The following NKAIN2 variants were observed in gnomAD, a reference collection of about 807,000 sequenced individuals.
NKAIN2 encodes the protein sodium/potassium-transporting ATPase subunit beta-1-interacting protein 2.
A neutral mutation model predicts 32.6 loss-of-function variants in NKAIN2; 14 were observed. The ratio of observed to expected loss-of-function variants is 0.43; its 90% confidence interval spans 0.28 to 0.67. NKAIN2 has a LOEUF of 0.67. Ranked by LOEUF, NKAIN2 falls within the 30% of genes least tolerant of loss-of-function variation. The probability of loss-of-function intolerance (pLI) is 0.17; values close to 1 mark genes in which losing one functional copy is unlikely to be tolerated. For missense variants in NKAIN2, 198 were observed against 258.3 expected (o/e 0.77, Z 1.60); for synonymous variants, 80 against 87.2 (o/e 0.92, Z 0.46).
At chr6:124,410,894 A>T (rs574356559) in intron 3 of NKAIN2, among the ~76,000 whole-genome samples, 41 of 152,170 alleles carry the variant, frequency 2.7e-4, no homozygotes, top group Non-Finnish European at 3.8e-4. Flanking sequence ...TATATTTAGG[A>T]TAGTTAGTTC....
At chr6:123,922,870 G>C (rs1212793868) in intron 1 of NKAIN2, among the ~76,000 whole-genome samples, 2 of 152,004 alleles carry the variant, frequency 1.3e-5, no homozygotes, top group Non-Finnish European at 2.9e-5. Context: ...TTTTAACATG[G>C]GGAAAGTTAC....
chr6:124,202,236 G>A (rs1790627667), intron 1 of NKAIN2, among the ~76,000 whole-genome samples: 1 of 151,966 alleles, frequency 6.6e-6, no homozygotes, highest in Non-Finnish European at 1.5e-5. Flanking sequence ...AGTTGCACCT[G>A]TAAATATATT....
intron 3 of NKAIN2, among the ~76,000 whole-genome samples, chr6:124,424,981 A>G (rs560309375): frequency 2.0e-4 from 31 of 152,272 alleles, no homozygotes; most frequent in African/African-American, 1.4e-4. Context: ...AGGAACCTCC[A>G]AACAGTTTTC....
chr6:124,292,976 T>C (rs1795886293), intron 2 of NKAIN2, among the ~76,000 whole-genome samples: 1 of 152,132 alleles, frequency 6.6e-6, no homozygotes, highest in African/African-American at 2.4e-5. Context: ...ATCTACCCCT[T>C]GTCTCAATCC....
At chr6:123,932,583 AT>A (rs1186715576) in intron 1 of NKAIN2, among the ~76,000 whole-genome samples, 1 of 151,178 alleles carries the variant, frequency 6.6e-6, no homozygotes, top group Non-Finnish European at 1.5e-5. Context: ...TGCCCGGCTA[AT>A]TTTTTCTATT....
chr6:123,818,333 A>G (rs972248255), intron 1 of NKAIN2, among the ~76,000 whole-genome samples: 10 of 147,604 alleles, frequency 6.8e-5, no homozygotes, highest in African/African-American at 2.5e-4. Flanking sequence ...GACTCTAACA[A>G]ATTTTCAGAC....
chr6:123,913,786 A>G (rs1775342976), intron 1 of NKAIN2, among the ~76,000 whole-genome samples: 1 of 152,028 alleles, frequency 6.6e-6, no homozygotes, highest in Non-Finnish European at 1.5e-5. Context: ...TGTTTTTTTT[A>G]CAAGTAGTTA....
At chr6:124,724,987 T>C (rs1776201225) in intron 4 of NKAIN2, among the ~76,000 whole-genome samples, 1 of 152,204 alleles carries the variant, frequency 6.6e-6, no homozygotes, top group African/African-American at 2.4e-5. Context: ...AAAATTACAA[T>C]GATTTCATGT....
In NKAIN2 at chr6:123,804,099, C is replaced by T. The variant is rs1291909900; in HGVS notation, c.-102C>T. 2.7e-5 allele frequency: 29 copies of T among 1,067,026 alleles called. No homozygotes were observed. The highest frequency in any genetic ancestry group is 5.0e-5 in the South Asian group (4 of 79,996). 66.1% of individuals were successfully genotyped at this position (1,067,026 alleles called of 1,614,324 possible). A position where few individuals can be genotyped will look rare whatever the true frequency, so the allele number is the denominator to read the frequency against. The stretch of plus-strand genomic sequence containing the variant: ...CAGCAGCCCGGAGCCCCCGAGCCCT[C>T]GGCAGGTTTGCGTGTCCTTCCCCGC... On this transcript the variant is annotated 5_prime_UTR_variant, in exon 1 of 7. Coordinates refer to ENST00000368417, the MANE Select transcript of NKAIN2 (RefSeq NM_001040214.3).
Position 123,884,821 on chromosome 6 carries a change from G to A in NKAIN2, c.54+80567G>A, listed in dbSNP as rs969946419. 6.6e-5 allele frequency among the ~76,000 whole-genome samples: 10 copies of A among 151,860 alleles called. No homozygotes were observed. The East Asian group carries it at 1.9e-3, about 29-fold the overall frequency. On this transcript the variant is annotated intron_variant, in intron 1 of 6. Coordinates refer to ENST00000368417, the MANE Select transcript of NKAIN2 (RefSeq NM_001040214.3). ...AAAAATAGTACTCTATTTTACCCTA[G>A]ATTACTATTTCAGCTGAGCAACAAC...
chr6:123,910,499 G>GTGT (rs1491095246), intron 1 of NKAIN2, among the ~76,000 whole-genome samples: 2 of 81,314 alleles, frequency 2.5e-5, no homozygotes, highest in African/African-American at 1.0e-4. Flanking sequence ...TGCAATGCAT[G>GTGT]TTTTTTTTTT....
intron 2 of NKAIN2, among the ~76,000 whole-genome samples, chr6:124,290,520 G>T (rs949079825): frequency 1.0e-4 from 14 of 136,250 alleles, no homozygotes; most frequent in Admixed American, 2.8e-4. Context: ...ATGTGTGTGT[G>T]TGTGTGTGTG....
chr6:124,700,492 T>C (rs1393444657), intron 4 of NKAIN2, among the ~76,000 whole-genome samples: 1 of 152,140 alleles, frequency 6.6e-6, no homozygotes, highest in Non-Finnish European at 1.5e-5. Context: ...CAGTCCCTTG[T>C]AAATGTCAGA....
intron 3 of NKAIN2, among the ~76,000 whole-genome samples, chr6:124,377,297 T>A (rs1330202107): frequency 1.3e-5 from 2 of 152,204 alleles, no homozygotes; most frequent in Non-Finnish European, 2.9e-5. Flanking sequence ...ACATGTACTT[T>A]TTGAGAATCA....
intron 1 of NKAIN2, among the ~76,000 whole-genome samples, chr6:124,002,659 T>C (rs1227554241): frequency 6.6e-6 from 1 of 152,218 alleles, no homozygotes; most frequent in Non-Finnish European, 1.5e-5. Flanking sequence ...GCACTCATTC[T>C]CATTTAACTT....
intron 2 of NKAIN2, among the ~76,000 whole-genome samples, chr6:124,305,045 G>T (rs1228739226): frequency 6.6e-6 from 1 of 152,086 alleles, no homozygotes; most frequent in Non-Finnish European, 1.5e-5. Context: ...GAAGGATTTT[G>T]GTACACATTT....
At chr6:124,030,863 G>T (rs1317530193) in intron 1 of NKAIN2, among the ~76,000 whole-genome samples, 1 of 152,154 alleles carries the variant, frequency 6.6e-6, no homozygotes, top group African/African-American at 2.4e-5. Context: ...AGGATCTACT[G>T]TTCTCTTTTT....
chr6:124,214,744 C>A lies in NKAIN2; in HGVS notation c.55-68261C>A, dbSNP rs920023772. Among the ~76,000 whole-genome samples, 7 of 152,232 alleles carry A rather than the reference C, an allele frequency of 4.6e-5. No homozygotes were observed. In the East Asian group the frequency reaches 1.4e-3, roughly 29 times the overall value. On this transcript the variant is annotated intron_variant, in intron 1 of 6. Transcript: ENST00000368417. ...AAACAAACCTTGTACACGTCTATTT[C>A]TACAGCAAATGGGCTTCAGGGTGGG...
intron 1 of NKAIN2, among the ~76,000 whole-genome samples, chr6:124,164,010 A>G (rs1355663404): frequency 6.6e-6 from 1 of 152,026 alleles, no homozygotes; most frequent in East Asian, 1.9e-4. Context: ...CTGCTCAGTC[A>G]CCAATGGATA....
Sources: gnomAD v4.1 joint callset for allele counts (sites outside exome capture counted in the v4.1 genomes callset) on GRCh38, gnomAD v4.1.1 for gene constraint, MANE v1.5 for transcripts, NCBI Gene and HGNC (gene_info 2026-07-23, HGNC 2026-07-21) for gene names.